Variants in INPP5F observed in about 807,000 individuals in gnomAD.
INPP5F encodes the protein inositol polyphosphate-5-phosphatase F, also known as phosphatidylinositide 4-phosphatase SAC2.
A neutral mutation model predicts 137.2 loss-of-function variants in INPP5F; 97 were observed. The observed-to-expected ratio is 0.71, with a 90% CI of 0.60 to 0.84. INPP5F has a LOEUF of 0.84. Among genes scored for constraint, INPP5F ranks in the 40% least tolerant of loss-of-function variants. INPP5F has a pLI of 0.00. For missense variants in INPP5F, 1,271 were observed against 1,371.9 expected, an observed-to-expected ratio of 0.93 and a Z score of 1.16; for synonymous variants, 504 against 476.9, an observed-to-expected ratio of 1.06 and a Z score of -0.74.
Position 119,791,455 on chromosome 10 carries a change from G to T in INPP5F, c.316-62G>T, listed in dbSNP as rs971416339. ...TGCCTGAGCAGTAGCATTCACTTTT[G>T]CACTCGAACATTTAACAAACAGGTA... On this transcript the variant is annotated intron_variant, in intron 3 of 19. Coordinates refer to ENST00000650623, the MANE Select transcript of INPP5F (RefSeq NM_014937.4). The T allele has an allele frequency of 5.3e-6, 7 of 1,328,966 alleles. No individual in the cohort carries two copies. In the South Asian group the frequency reaches 8.8e-5, roughly 17 times the overall value. 82.3% of individuals were successfully genotyped at this position (1,328,966 alleles called of 1,614,324 possible).
intron 1 of INPP5F, among the ~76,000 whole-genome samples, chr10:119,738,648 TACACACACACAC>T (rs57713774): frequency 6.7e-5 from 10 of 150,346 alleles, no homozygotes; most frequent in South Asian, 2.1e-4. Flanking sequence ...AGATTTTAAA[TACACACACACAC>T]ACACACACAC....
rs1210300809 is a variant in INPP5F at position 119,823,133 on chromosome 10, A to G, written c.2095A>G (p.Lys699Glu). The G allele has an allele frequency of 2.5e-6, 4 of 1,614,086 alleles. No individual in the cohort carries two copies. ...CTGCATGCGACTGCACTACAGATACAAAGAAGCGAGTGGCTATTTCCACAC... is the reference window on the plus strand; with the variant it reads ...CTGCATGCGACTGCACTACAGATACGAAGAAGCGAGTGGCTATTTCCACAC... ...FSCMRLHYRY[K>E]EASGYFHTLR... The change falls in exon 18 of 20, where the codon AAA becomes GAA. Residue 699 changes from lysine to glutamate, a missense_variant. Transcript: ENST00000650623.
chr10:119,746,881 CG>C (rs1848550601), intron 1 of INPP5F, among the ~76,000 whole-genome samples: 1 of 151,808 alleles, frequency 6.6e-6, no homozygotes, highest in South Asian at 2.1e-4. Context: ...CTCTACTTCC[CG>C]GATTCAAGCG....
intron 16 of INPP5F, among the ~76,000 whole-genome samples, chr10:119,821,706 C>T (rs1564854762): frequency 1.3e-5 from 2 of 149,490 alleles, no homozygotes; most frequent in Admixed American, 1.3e-4. Context: ...TCCCTCCTCT[C>T]TCTCTCTCCC....
At chr10:119,738,542 T>A (rs1848280072) in intron 1 of INPP5F, among the ~76,000 whole-genome samples, 1 of 152,190 alleles carries the variant, frequency 6.6e-6, no homozygotes, top group African/African-American at 2.4e-5. Context: ...TAAGGGCATT[T>A]GCTGCATATG....
chr10:119,767,125 A>AAAAAAAC (rs1274905426), intron 2 of INPP5F, among the ~76,000 whole-genome samples: 5 of 149,344 alleles, frequency 3.3e-5, no homozygotes, highest in African/African-American at 4.9e-5. Context: ...AAAAAAAAAA[A>AAAAAAAC]AAAAAAAACC....
Position 119,817,015 on chromosome 10 carries a change from A to G in INPP5F, c.1887-3831A>G, listed in dbSNP as rs572222585. ...TCACTTCCTTACCCTCCACACTACC[A>G]TCCCTAAGCAACCACTAATCTACTT... On this transcript the variant is annotated intron_variant, in intron 15 of 19. Transcript: ENST00000650623. Among the ~76,000 whole-genome samples the G allele has an allele frequency of 2.0e-5, 3 of 152,248 alleles. No individual in the cohort carries two copies. The South Asian group carries it at 6.2e-4, about 32-fold the overall frequency.
chr10:119,824,597 T>G (rs989932685), intron 19 of INPP5F, among the ~76,000 whole-genome samples: 2 of 152,248 alleles, frequency 1.3e-5, no homozygotes, highest in Non-Finnish European at 2.9e-5. Flanking sequence ...TCTGCCAGGA[T>G]TCTGCACTGC....
intron 6 of INPP5F, among the ~76,000 whole-genome samples, chr10:119,796,341 C>G (rs1339869683): frequency 6.6e-6 from 1 of 152,048 alleles, no homozygotes; most frequent in African/African-American, 2.4e-5. Context: ...TAAATACTTC[C>G]CATATGGCAG....
chr10:119,827,022 A>T lies in INPP5F; in HGVS notation c.2641A>T (p.Ser881Cys), dbSNP rs565636376. The T allele has an allele frequency of 1.2e-5, 19 of 1,614,124 alleles. No individual in the cohort carries two copies. In the South Asian group the frequency reaches 1.9e-4, roughly 16 times the overall value. ...CAGGCAGCTAGCTAACTCATTAGAG[A>T]GTGTAGGGCCAATAGATTACGTTCT... ...EDRQLANSLE[S>C]VGPIDYVLPS... The change falls in exon 20 of 20, where the codon AGT becomes TGT. Residue 881 changes from serine (S) to cysteine (C), a missense_variant. Physicochemically the swap from Ser to Cys is moderately radical, Grantham distance 112. This residue lies in a region of INPP5F where 490 missense variants were observed against 443.7 expected (regional missense o/e 1.10). Transcript: ENST00000650623.
chr10:119,772,312 A>C (rs1849389977), intron 2 of INPP5F, among the ~76,000 whole-genome samples: 1 of 152,194 alleles, frequency 6.6e-6, no homozygotes, highest in African/African-American at 2.4e-5. Context: ...TTCCAGATAT[A>C]GTAAGGACAA....
chr10:119,771,754 C>G (rs1219158359), intron 2 of INPP5F, among the ~76,000 whole-genome samples: 1 of 147,850 alleles, frequency 6.8e-6, no homozygotes, highest in Non-Finnish European at 1.5e-5. Flanking sequence ...TTTTGACAGT[C>G]TGATACAAAG....
intron 3 of INPP5F, among the ~76,000 whole-genome samples, chr10:119,782,610 G>A (rs558455981): frequency 8.7e-4 from 132 of 152,196 alleles, no homozygotes; most frequent in African/African-American, 3.0e-3. Context: ...GAGCTGAGGG[G>A]TTCGAGACCA....
intron 13 of INPP5F, 111 bp downstream of exon 13, chr10:119,808,171 A>G (rs1850874355): frequency 7.6e-7 from 1 of 1,310,712 alleles, no homozygotes; most frequent in Non-Finnish European, 1.0e-6. Context: ...TGTGTAGTTG[A>G]CTCTTTTCTG....
rs35483953 is a variant in INPP5F, at chr10:119,774,495, G to GT, written c.179-7129dup. Among the ~76,000 whole-genome samples, 438 of 145,090 alleles carry GT rather than the reference G, an allele frequency of 3.0e-3. 3 individuals carry two copies. The highest frequency in any genetic ancestry group is 3.5e-3 in the Middle Eastern group (1 of 288). Reference sequence around the variant, plus strand: ...TTTTATTCATTTGTTTGTTCGTTTTGTTTTTTTTTTTCTTTCTTTCTTGAG... The same window carrying GT: ...TTTTATTCATTTGTTTGTTCGTTTTGTTTTTTTTTTTTCTTTCTTTCTTGAG... On this transcript the variant is annotated intron_variant, in intron 2 of 19. Coordinates refer to ENST00000650623, the MANE Select transcript of INPP5F (RefSeq NM_014937.4).
intron 6 of INPP5F, among the ~76,000 whole-genome samples, chr10:119,795,771 A>C (rs1386760744): frequency 6.6e-6 from 1 of 152,048 alleles, no homozygotes; most frequent in Admixed American, 6.6e-5. Context: ...ATGCCACTGC[A>C]CTCCAGCCTG....
chr10:119,819,344 T>A, intron 15 of INPP5F: 1 of 1,242,142 alleles, frequency 8.1e-7, no homozygotes, highest in Non-Finnish European at 1.0e-6. Context: ...CGACTGCCTG[T>A]TACGTGCCAA....
At chr10:119,821,227 C>T (rs1434614967) in intron 16 of INPP5F, among the ~76,000 whole-genome samples, 1 of 152,104 alleles carries the variant, frequency 6.6e-6, no homozygotes, top group Non-Finnish European at 1.5e-5. Context: ...TCACTAATGA[C>T]CACGTATCAT....
rs1847883495 is a variant in INPP5F at position 119,726,278 on chromosome 10, G to A, written c.16G>A (p.Ala6Thr). The A allele has an allele frequency of 2.0e-6, 3 of 1,489,562 alleles. No individual in the cohort carries two copies. The highest frequency in any genetic ancestry group is 2.7e-6 in the Non-Finnish European group (3 of 1,119,408). 92.3% of individuals were successfully genotyped at this position (1,489,562 alleles called of 1,614,324 possible). ...CGGGGCCAGCATGGAGCTCTTCCAAGCCAAGGACCACTACATCCTGCAGCA... is the reference window on the plus strand; with the variant it reads ...CGGGGCCAGCATGGAGCTCTTCCAAACCAAGGACCACTACATCCTGCAGCA... The part of the protein sequence containing the change: MELFQ[A>T]KDHYILQQGE... Residue 6 changes from alanine to threonine, a missense_variant, in exon 1 of 20, where the codon GCC becomes ACC. This residue lies in a region of INPP5F where 109 missense variants were observed against 105.1 expected (regional missense o/e 1.04). Coordinates refer to ENST00000650623, the MANE Select transcript of INPP5F (RefSeq NM_014937.4).
Sources: allele counts gnomAD v4.1 joint callset (sites outside exome capture counted in the v4.1 genomes callset), GRCh38; gene constraint gnomAD v4.1.1; regional missense constraint gnomAD v4.1.1; transcripts MANE v1.5; gene names NCBI Gene and HGNC (gene_info 2026-07-23, HGNC 2026-07-21).